Variants in ATP9A observed in about 807,000 individuals in gnomAD.
The protein encoded by ATP9A is ATPase phospholipid transporting 9A.
In ATP9A, 52 loss-of-function variants were observed where a neutral mutation model predicts 144.1. That is an observed-to-expected ratio of 0.36 (90% CI 0.29 to 0.45). The LOEUF (loss-of-function observed/expected upper bound fraction) is 0.45. Among genes scored for constraint, ATP9A ranks in the 20% least tolerant of loss-of-function variants. The pLI, the probability that ATP9A is intolerant of heterozygous loss-of-function variation, is 1.00. For missense variants in ATP9A, 947 were observed against 1,392.7 expected (o/e 0.68, Z 5.09); for synonymous variants, 582 against 557.4 (o/e 1.04, Z -0.62).
rs570271715 is a variant in ATP9A, at chr20:51,704,509, A to C, written c.437-7027T>G. On this transcript the variant is annotated intron_variant, in intron 4 of 27. Transcript: ENST00000338821. The stretch of plus-strand genomic sequence containing the variant: ...ATAACTTTATATCTGGGCGGGGCAC[A>C]GTGGCTCAGGCCTGTAATCCCAGCA... Among the ~76,000 whole-genome samples the C allele has an allele frequency of 2.0e-5, 3 of 152,310 alleles. No individual in the cohort carries two copies. In the South Asian group the frequency reaches 6.2e-4, roughly 32 times the overall value.
chr20:51,596,605 T>C lies in ATP9A; in HGVS notation c.*4606A>G, dbSNP rs1289758526. On this transcript the variant is annotated 3_prime_UTR_variant, in exon 28 of 28. Coordinates refer to ENST00000338821, the MANE Select transcript of ATP9A (RefSeq NM_006045.3). ...AGTACAAAATAATAAATAACATGCA[T>C]TGATTTGGGGTTTTTTTTGCCAAAA... 1 of 152,182 alleles carries C rather than the reference T, an allele frequency of 6.6e-6. No homozygotes were observed. Among genetic ancestry groups the C allele is most frequent in the Non-Finnish European group, 1.5e-5 (1 of 68,038 alleles). The allele number at this position is 152,182 out of a possible 1,614,324, so 9.4% of individuals were successfully genotyped here.
intron 1 of ATP9A, among the ~76,000 whole-genome samples, chr20:51,766,701 C>T (rs1023078646): frequency 6.6e-6 from 1 of 151,972 alleles, no homozygotes. Context: ...ACTAGTCAGG[C>T]GTGGTGTCGG....
chr20:51,612,259 G>A (rs1426611333), intron 23 of ATP9A, among the ~76,000 whole-genome samples: 3 of 152,170 alleles, frequency 2.0e-5, no homozygotes, highest in African/African-American at 7.2e-5. Context: ...GTGAGTTCCA[G>A]GATCTACTGT....
rs2077183660 is a variant in ATP9A, at chr20:51,611,219, G to A, written c.2572-1054C>T. The stretch of plus-strand genomic sequence containing the variant: ...TTCAATGGACACAGAGAGAAAGCAT[G>A]TAAGAAACACGTGCTTTCTCGGCAC... On this transcript the variant is annotated intron_variant, in intron 23 of 27. Transcript: ENST00000338821. This position sits in a 1 kb window ranked among gnomAD's most constrained non-coding sequence, Gnocchi z 4.2. Among the ~76,000 whole-genome samples, 2 of 152,340 alleles carry A rather than the reference G, an allele frequency of 1.3e-5. No homozygotes were observed. The highest frequency in any genetic ancestry group is 2.9e-5 in the Non-Finnish European group (2 of 68,032).
intron 11 of ATP9A, 61 bp downstream of exon 11, chr20:51,674,092 T>C: frequency 1.3e-6 from 2 of 1,528,610 alleles, no homozygotes; most frequent in Non-Finnish European, 1.8e-6. Flanking sequence ...ACCATCATCT[T>C]TGAATGAGTA....
chr20:51,672,080 G>A (rs1187137688), intron 11 of ATP9A, among the ~76,000 whole-genome samples: 13 of 152,250 alleles, frequency 8.5e-5, no homozygotes, highest in Admixed American at 6.5e-5. Context: ...GACTACAGAC[G>A]TGAGCCACCA....
At chr20:51,766,608 G>A (rs1206529870) in intron 1 of ATP9A, among the ~76,000 whole-genome samples, 2 of 152,118 alleles carry the variant, frequency 1.3e-5, no homozygotes, top group Admixed American at 6.5e-5. Context: ...TTGGAAGGCC[G>A]AGGTGGGTGG....
rs548600032 is a variant in ATP9A, at chr20:51,679,804, C to T, written c.800-3596G>A. 8.5e-5 allele frequency among the ~76,000 whole-genome samples: 13 copies of T among 152,164 alleles called. No individual in the cohort carries two copies. The South Asian group carries it at 2.5e-3, about 29-fold the overall frequency. On this transcript the variant is annotated intron_variant, in intron 9 of 27. Transcript: ENST00000338821. Reference sequence around the variant, plus strand: ...CTGTGACCCCTTTGTTCCTCATCCACAACAAAATAAATGCTGAACCCGAGA... The same window carrying T: ...CTGTGACCCCTTTGTTCCTCATCCATAACAAAATAAATGCTGAACCCGAGA...
chr20:51,646,787 G>A (rs890415903), intron 14 of ATP9A, among the ~76,000 whole-genome samples: 3 of 151,872 alleles, frequency 2.0e-5, no homozygotes, highest in Non-Finnish European at 4.4e-5. Flanking sequence ...ACAAAACACA[G>A]CCTGCTAGGA....
rs1425442848 is a variant in ATP9A, at chr20:51,667,877, T to C, written c.1293+2120A>G. Among the ~76,000 whole-genome samples, 3 of 151,478 alleles carry C rather than the reference T, an allele frequency of 2.0e-5. No individual in the cohort carries two copies. In the East Asian group the frequency reaches 5.9e-4, roughly 30 times the overall value. ...TTCAAGTCCAGCCTGGGCAACACAGTGAGACCTCGTCTCTATAAAAAATAA... is the reference window on the plus strand; with the variant it reads ...TTCAAGTCCAGCCTGGGCAACACAGCGAGACCTCGTCTCTATAAAAAATAA... On this transcript the variant is annotated intron_variant, in intron 13 of 27. Coordinates refer to ENST00000338821, the MANE Select transcript of ATP9A (RefSeq NM_006045.3).
intron 26 of ATP9A, among the ~76,000 whole-genome samples, chr20:51,607,144 G>C (rs1487218182): frequency 6.6e-6 from 1 of 152,110 alleles, no homozygotes; most frequent in African/African-American, 2.4e-5. Flanking sequence ...CGCCTCCACA[G>C]TCTGGGAAGA....
intron 9 of ATP9A, among the ~76,000 whole-genome samples, chr20:51,684,738 CGGT>C (rs2077515191): frequency 6.7e-6 from 1 of 149,054 alleles, no homozygotes; most frequent in Non-Finnish European, 1.5e-5. Flanking sequence ...GGCCTGGGCG[CGGT>C]GGCTCACGCC....
intron 15 of ATP9A, among the ~76,000 whole-genome samples, chr20:51,635,998 A>T (rs191023660): frequency 5.5e-4 from 83 of 152,276 alleles, no homozygotes; most frequent in African/African-American, 1.9e-3. Flanking sequence ...AAGACCATGA[A>T]TAATACTGAC....
At chr20:51,629,662 C>T (rs976163513) in intron 15 of ATP9A, among the ~76,000 whole-genome samples, 6 of 152,194 alleles carry the variant, frequency 3.9e-5, no homozygotes, top group Admixed American at 3.3e-4. Flanking sequence ...GAGAATAATT[C>T]CAGATCCCTA....
At chr20:51,719,127 C>CAA (rs111428067) in intron 3 of ATP9A, among the ~76,000 whole-genome samples, 1 of 133,594 alleles carries the variant, frequency 7.5e-6, no homozygotes, top group Non-Finnish European at 1.6e-5. Context: ...GACTCTGTCT[C>CAA]AAAAAAAAAA....
intron 17 of ATP9A, 33 bp from the exon 18 acceptor site, chr20:51,625,395 A>G: frequency 6.3e-7 from 1 of 1,592,922 alleles, no homozygotes; most frequent in Non-Finnish European, 8.6e-7. Flanking sequence ...GTCACTGCTT[A>G]GGGTGAGGAG....
chr20:51,635,826 G>GGAAGAAAGGAAGGAAGGA (rs1193048703), intron 15 of ATP9A, among the ~76,000 whole-genome samples: 2 of 46,830 alleles, frequency 4.3e-5, no homozygotes, highest in African/African-American at 1.8e-4. Flanking sequence ...GGAAGGAAGG[G>GGAAGAAAGGAAGGAAGGA]AGGGAGGGAG....
intron 1 of ATP9A, among the ~76,000 whole-genome samples, chr20:51,736,706 G>C (rs990253708): frequency 6.6e-6 from 1 of 152,016 alleles, no homozygotes; most frequent in African/African-American, 2.4e-5. Context: ...AAAACTTGCT[G>C]AATTGTACAC....
At chr20:51,622,453 C>T (rs576644352) in intron 18 of ATP9A, among the ~76,000 whole-genome samples, 4 of 152,218 alleles carry the variant, frequency 2.6e-5, no homozygotes, top group South Asian at 2.1e-4. Flanking sequence ...GTCCTTGGAC[C>T]GCATAATTCC....
Sources: allele counts gnomAD v4.1 joint callset (sites outside exome capture counted in the v4.1 genomes callset), GRCh38; gene constraint gnomAD v4.1.1; non-coding constraint Gnocchi (gnomAD v3.1); transcripts MANE v1.5; gene names NCBI Gene and HGNC (gene_info 2026-07-23, HGNC 2026-07-21).